Variants in WDHD1 observed in about 807,000 individuals in gnomAD.
WDHD1 encodes WD repeat and HMG-box DNA binding protein 1.
WDHD1 carries 111 observed loss-of-function variants against 135.4 expected under a neutral mutation model. The observed-to-expected ratio is 0.82, with a 90% CI of 0.70 to 0.96. The LOEUF is 0.96. Ranked by LOEUF, WDHD1 falls within the 40% of genes least tolerant of loss-of-function variation. The pLI is 0.00. For missense variants in WDHD1, 1,351 were observed against 1,336.3 expected, an observed-to-expected ratio of 1.01 and a Z score of -0.17; for synonymous variants, 434 against 439.0, an observed-to-expected ratio of 0.99 and a Z score of 0.14.
chr14:54,985,560 G>C (rs903083379), intron 14 of WDHD1, among the ~76,000 whole-genome samples: 8 of 152,198 alleles, frequency 5.3e-5, no homozygotes, highest in Non-Finnish European at 1.2e-4. Flanking sequence ...GCTATCAGAA[G>C]TTTGACTTTG....
At chr14:54,989,270 T>C (rs1007613804) in intron 12 of WDHD1, 58 bp from the exon 13 acceptor site, 20 of 1,269,084 alleles carry the variant, frequency 1.6e-5, no homozygotes, top group Non-Finnish European at 1.5e-5. Context: ...CTAGAATCAG[T>C]AAGCCACAGT....
chr14:54,988,693 G>A (rs909615862), intron 13 of WDHD1, among the ~76,000 whole-genome samples: 16 of 149,768 alleles, frequency 1.1e-4, no homozygotes, highest in African/African-American at 3.9e-4. Flanking sequence ...ACTGTATACT[G>A]GTTTTTTTTC....
chr14:55,011,229 G>C (rs1381382085), intron 3 of WDHD1, among the ~76,000 whole-genome samples: 1 of 152,090 alleles, frequency 6.6e-6, no homozygotes, highest in Non-Finnish European at 1.5e-5. Context: ...AGAAAAAAAT[G>C]ACAATATGAA....
At chr14:55,014,936 C>G (rs2042235215) in intron 2 of WDHD1, among the ~76,000 whole-genome samples, 1 of 151,978 alleles carries the variant, frequency 6.6e-6, no homozygotes, top group Admixed American at 6.6e-5. Context: ...GTTAATACAG[C>G]ATGGGGGAGT....
In WDHD1 at chr14:54,939,998, A is replaced by C. The variant is rs1227422459; in HGVS notation, c.*1492T>G. 2 of 152,248 alleles carry C rather than the reference A, an allele frequency of 1.3e-5. No individual in the cohort carries two copies. The highest frequency in any genetic ancestry group is 2.9e-5 in the Non-Finnish European group (2 of 68,048). The allele number at this position is 152,248 out of a possible 1,614,324, so 9.4% of individuals were successfully genotyped here. ...AACCTTTACTTAAGATCTTGAAATC[A>C]AAATTAGTTTGTATAGTATTCAGAA... On this transcript the variant is annotated 3_prime_UTR_variant, in exon 26 of 26. Transcript: ENST00000360586.
chr14:54,987,362 A>T lies in WDHD1; in HGVS notation c.1552T>A (p.Ser518Thr), dbSNP rs778741594. 6.2e-7 allele frequency: 1 copy of T among 1,613,986 alleles called. No individual in the cohort carries two copies. Among genetic ancestry groups the T allele is most frequent in the South Asian group, 1.1e-5 (1 of 91,054 alleles). The change falls in exon 14 of 26, where the codon TCT (serine) becomes ACT (threonine). Residue 518 changes from serine to threonine, a missense_variant. Transcript: ENST00000360586. ...ASKLHCLHFS[S>T]WDSSKEWIID... ...ATCCACTCTTTGCTTGAATCCCAAG[A>T]ACTAAAGTGCAGGCAGTGAAGCTTG...
Position 54,987,230 on chromosome 14 carries a change from C to T in WDHD1, c.1684G>A (p.Val562Ile), listed in dbSNP as rs778775434. ...GCAAGGCTGAATACCTCTTTTTGAA[C>T]CCCTCCAATAGTAAACAATCGAAGA... ...LLLRLFTIGG[V>I]QKEVFSLAGP... is the part of the protein sequence containing the mutation. Residue 562 changes from valine (V) to isoleucine (I), a missense_variant, in exon 14 of 26, where the codon GTT becomes ATT. Around this residue, in one of 2 missense-constraint regions of WDHD1, gnomAD observed 1,330 missense variants for 1,296.1 expected, o/e 1.03. Coordinates refer to ENST00000360586, the MANE Select transcript of WDHD1 (RefSeq NM_007086.4). 5 of 1,614,088 alleles carry T rather than the reference C, an allele frequency of 3.1e-6. No homozygotes were observed. Among genetic ancestry groups the T allele is most frequent in the Admixed American group, 3.3e-5 (2 of 60,018 alleles).
intron 2 of WDHD1, among the ~76,000 whole-genome samples, chr14:55,026,444 T>A: frequency 6.6e-6 from 1 of 152,124 alleles, no homozygotes; most frequent in East Asian, 1.9e-4. Context: ...AAATTAATAA[T>A]GTAAGATGCA....
chr14:54,982,403 A>G (rs1355369030), intron 15 of WDHD1, among the ~76,000 whole-genome samples: 1 of 152,230 alleles, frequency 6.6e-6, no homozygotes, highest in Non-Finnish European at 1.5e-5. Flanking sequence ...AAAATCTGAT[A>G]CAAAGTGATC....
chr14:54,958,824 T>C (rs941175485), intron 21 of WDHD1, among the ~76,000 whole-genome samples: 1 of 152,192 alleles, frequency 6.6e-6, no homozygotes, highest in Non-Finnish European at 1.5e-5. Context: ...CTTTACATTC[T>C]CCCCCAATGC....
chr14:54,987,317 C>T lies in WDHD1; in HGVS notation c.1597G>A (p.Glu533Lys). 6.2e-7 allele frequency: 1 copy of T among 1,614,080 alleles called. No individual in the cohort carries two copies. The highest frequency in any genetic ancestry group is 8.5e-7 in the Non-Finnish European group (1 of 1,180,012). Reference sequence around the variant, plus strand: ...CCGAGACATATGGCTTCAATATCCTCATTCTGAGGCAAGTCTATTATCCAC... The same window carrying T: ...CCGAGACATATGGCTTCAATATCCTTATTCTGAGGCAAGTCTATTATCCAC... ...KEWIIDLPQN[E>K]DIEAICLGQG... The change falls in exon 14 of 26, where the codon GAG becomes AAG. Residue 533 changes from glutamate (E) to lysine (K), a missense_variant. Transcript: ENST00000360586.
Position 55,000,654 on chromosome 14 carries a change from A to C in WDHD1, c.801-10T>G, listed in dbSNP as rs866054556. ...TTTCTCATGTTTCACCCTAAAAATT[A>C]AAAAGTAGGTTCTAAAAATACTGTC... On this transcript the variant is annotated splice_polypyrimidine_tract_variant and intron_variant, in intron 9 of 25. Coordinates refer to ENST00000360586, the MANE Select transcript of WDHD1 (RefSeq NM_007086.4). 6 of 1,528,354 alleles carry C rather than the reference A, an allele frequency of 3.9e-6. No homozygotes were observed. The highest frequency in any genetic ancestry group is 3.5e-4 in the Middle Eastern group (2 of 5,754). 94.7% of individuals were successfully genotyped at this position (1,528,354 alleles called of 1,614,324 possible). A position where few individuals can be genotyped will look rare whatever the true frequency, so the allele number is the denominator to read the frequency against.
chr14:55,007,773 T>A (rs938852846), intron 6 of WDHD1, among the ~76,000 whole-genome samples: 3 of 152,238 alleles, frequency 2.0e-5, no homozygotes, highest in Admixed American at 1.3e-4. Flanking sequence ...CTGTGGATAT[T>A]AAGGCATATT....
At chr14:55,026,118 T>A (rs886119343) in intron 2 of WDHD1, among the ~76,000 whole-genome samples, 1 of 152,244 alleles carries the variant, frequency 6.6e-6, no homozygotes, top group African/African-American at 2.4e-5. Flanking sequence ...GTTCGCTCTA[T>A]TCTATCTGTA....
chr14:54,952,837 T>A (rs2041083933), intron 24 of WDHD1, among the ~76,000 whole-genome samples: 1 of 152,318 alleles, frequency 6.6e-6, no homozygotes, highest in Non-Finnish European at 1.5e-5. Flanking sequence ...TACAACCATC[T>A]GATCTTTGAC....
intron 8 of WDHD1, among the ~76,000 whole-genome samples, chr14:55,001,332 C>T (rs987949294): frequency 2.6e-5 from 4 of 152,232 alleles, no homozygotes; most frequent in East Asian, 1.9e-4. Flanking sequence ...ACCATCATTA[C>T]TCACTGCAAC....
At chr14:54,947,347 G>A (rs563012485) in intron 24 of WDHD1, among the ~76,000 whole-genome samples, 4 of 151,560 alleles carry the variant, frequency 2.6e-5, no homozygotes, top group East Asian at 1.9e-4. Flanking sequence ...AGTGTTAAGC[G>A]GAAAAAAAAC....
At chr14:54,956,990 G>A in intron 23 of WDHD1, 44 bp downstream of exon 23, 1 of 1,586,008 alleles carries the variant, frequency 6.3e-7, no homozygotes. Flanking sequence ...AAGACAAACA[G>A]ATCCCATGCT....
At chr14:55,014,824 A>C (rs1256519769) in intron 2 of WDHD1, among the ~76,000 whole-genome samples, 1 of 152,322 alleles carries the variant, frequency 6.6e-6, no homozygotes, top group East Asian at 1.9e-4. Flanking sequence ...ATTCATAAGA[A>C]AGATGGTATT....
Sources: gnomAD v4.1 joint callset for allele counts (sites outside exome capture counted in the v4.1 genomes callset) on GRCh38, gnomAD v4.1.1 for gene constraint, gnomAD v4.1.1 regional missense constraint, MANE v1.5 for transcripts, NCBI Gene and HGNC (gene_info 2026-07-23, HGNC 2026-07-21) for gene names.